CTNND2: variants seen among roughly 807,000 people sequenced by gnomAD.
CTNND2 encodes the protein catenin delta-2.
A neutral mutation model predicts 144.4 loss-of-function variants in CTNND2; 22 were observed. The observed-to-expected ratio is 0.15, with a 90% CI of 0.11 to 0.22. The LOEUF is 0.22. Ranked by LOEUF, CTNND2 falls within the 10% of genes least tolerant of loss-of-function variation. The probability of loss-of-function intolerance (pLI) is 1.00; values close to 1 mark genes in which losing one functional copy is unlikely to be tolerated. For missense variants in CTNND2, 1,353 were observed against 1,618.8 expected (o/e 0.84, Z 2.82); for synonymous variants, 751 against 695.6 (o/e 1.08, Z -1.25).
At chr5:11,765,472 G>A (rs1486259059) in intron 1 of CTNND2, among the ~76,000 whole-genome samples, 6 of 152,152 alleles carry the variant, frequency 3.9e-5, no homozygotes, top group Non-Finnish European at 5.9e-5. Context: ...GAAAGAAAAG[G>A]AAAGCCAGGC....
chr5:11,358,061 A>G (rs1404844632), intron 8 of CTNND2, among the ~76,000 whole-genome samples: 1 of 152,148 alleles, frequency 6.6e-6, no homozygotes, highest in East Asian at 1.9e-4. Flanking sequence ...CTTGGCTTCT[A>G]TTCTTTTCAA....
At chr5:11,110,746 T>C in intron 14 of CTNND2, 112 bp downstream of exon 14, 6 of 1,034,974 alleles carry the variant, frequency 5.8e-6, no homozygotes, top group Non-Finnish European at 6.9e-6. Context: ...GATGCATTAG[T>C]GATTTTACCT....
intron 16 of CTNND2, among the ~76,000 whole-genome samples, chr5:11,045,246 TGTACATAAA>T (rs1745111346): frequency 1.3e-5 from 2 of 152,182 alleles, no homozygotes; most frequent in African/African-American, 4.8e-5. Context: ...TTCTGCAGGC[TGTACATAAA>T]GCATGGTGCC....
intron 1 of CTNND2, among the ~76,000 whole-genome samples, chr5:11,789,018 G>T (rs1337330477): frequency 6.6e-6 from 1 of 152,138 alleles, no homozygotes; most frequent in Non-Finnish European, 1.5e-5. Context: ...ACCACAATGA[G>T]ATACCATCTC....
chr5:11,261,656 C>T (rs760557080), intron 9 of CTNND2, among the ~76,000 whole-genome samples: 9 of 152,234 alleles, frequency 5.9e-5, no homozygotes, highest in Non-Finnish European at 8.8e-5. Flanking sequence ...GTGTCTCACC[C>T]ACCCCAAGAT....
At chr5:11,585,962 G>A (rs1370722480) in intron 2 of CTNND2, among the ~76,000 whole-genome samples, 2 of 152,122 alleles carry the variant, frequency 1.3e-5, no homozygotes, top group African/African-American at 2.4e-5. Flanking sequence ...GGAGCAAAAA[G>A]TGAGAGGAGG....
At chr5:11,275,829 T>C (rs945500917) in intron 9 of CTNND2, among the ~76,000 whole-genome samples, 2 of 152,232 alleles carry the variant, frequency 1.3e-5, no homozygotes, top group Non-Finnish European at 2.9e-5. Context: ...AGAATGTGTT[T>C]CTTCAAAAGA....
intron 3 of CTNND2, among the ~76,000 whole-genome samples, chr5:11,537,033 C>T (rs1382468567): frequency 6.6e-6 from 1 of 150,410 alleles, no homozygotes; most frequent in Non-Finnish European, 1.5e-5. Flanking sequence ...CCAAGTGAAT[C>T]AGAAATTGGA....
At chr5:11,859,146 C>T (rs568382081) in intron 1 of CTNND2, among the ~76,000 whole-genome samples, 2 of 152,300 alleles carry the variant, frequency 1.3e-5, no homozygotes, top group African/African-American at 2.4e-5. Context: ...ATCTCCTTCA[C>T]GACTGTCTGC....
intron 12 of CTNND2, among the ~76,000 whole-genome samples, chr5:11,155,876 T>C (rs1303182974): frequency 6.6e-6 from 1 of 152,228 alleles, no homozygotes. Flanking sequence ...ATTTCATATG[T>C]GCTTAAATTT....
intron 16 of CTNND2, among the ~76,000 whole-genome samples, chr5:11,064,709 C>G (rs1409017806): frequency 6.6e-6 from 1 of 152,168 alleles, no homozygotes; most frequent in Non-Finnish European, 1.5e-5. Flanking sequence ...AAACTCATCC[C>G]TTTGTCTCTT....
intron 16 of CTNND2, among the ~76,000 whole-genome samples, chr5:11,047,959 G>C (rs142672100): frequency 1.3e-5 from 2 of 152,094 alleles, no homozygotes; most frequent in African/African-American, 4.8e-5. Flanking sequence ...CAACTTCTCC[G>C]GGCTCAATTC....
intron 12 of CTNND2, 30 bp downstream of exon 12, chr5:11,159,545 TG>T: frequency 6.5e-7 from 1 of 1,546,344 alleles, no homozygotes; most frequent in South Asian, 1.2e-5. Flanking sequence ...GGGAAGATGG[TG>T]GGAGGAGGCA....
Position 11,128,599 on chromosome 5 carries a change from G to A in CTNND2, c.2160-11032C>T, listed in dbSNP as rs557189705. Among the ~76,000 whole-genome samples the A allele has an allele frequency of 1.6e-4, 24 of 147,594 alleles. No individual in the cohort carries two copies. The South Asian group carries it at 4.0e-3, about 25-fold the overall frequency. The stretch of plus-strand genomic sequence containing the variant: ...ACGGATTCTTCTCAGCACCGTCTCC[G>A]ATGCCTCATGTCCCATTCCCTCCCA... On this transcript the variant is annotated intron_variant, in intron 12 of 21. Coordinates refer to ENST00000304623, the MANE Select transcript of CTNND2 (RefSeq NM_001332.4).
At chr5:11,662,773 A>T (rs1444091843) in intron 2 of CTNND2, among the ~76,000 whole-genome samples, 2 of 152,154 alleles carry the variant, frequency 1.3e-5, no homozygotes, top group Non-Finnish European at 2.9e-5. Flanking sequence ...GAGATGGGAC[A>T]GTTTGGGCAG....
At chr5:11,352,275 G>C (rs1755405026) in intron 8 of CTNND2, among the ~76,000 whole-genome samples, 1 of 152,042 alleles carries the variant, frequency 6.6e-6, no homozygotes, top group African/African-American at 2.4e-5. Flanking sequence ...CTATCACATT[G>C]GTTCTCAAAC....
chr5:11,673,799 T>C (rs1207058671), intron 2 of CTNND2, among the ~76,000 whole-genome samples: 1 of 152,194 alleles, frequency 6.6e-6, no homozygotes, highest in Non-Finnish European at 1.5e-5. Context: ...AACTGATAAA[T>C]AGCGTTATCT....
chr5:11,320,943 C>T (rs958118081), intron 9 of CTNND2, among the ~76,000 whole-genome samples: 1 of 152,154 alleles, frequency 6.6e-6, no homozygotes, highest in Non-Finnish European at 1.5e-5. Flanking sequence ...TAGCTTTACA[C>T]AATCTATTTT....
chr5:11,433,661 T>A (rs1269765833), intron 3 of CTNND2, among the ~76,000 whole-genome samples: 4 of 152,126 alleles, frequency 2.6e-5, no homozygotes, highest in African/African-American at 9.7e-5. Flanking sequence ...TGCCACACAC[T>A]TTTAAACAAG....
Sources: allele counts gnomAD v4.1 joint callset (sites outside exome capture counted in the v4.1 genomes callset), GRCh38; gene constraint gnomAD v4.1.1; transcripts MANE v1.5; gene names NCBI Gene and HGNC (gene_info 2026-07-23, HGNC 2026-07-21).